ARFGEF3: variants seen among roughly 807,000 people sequenced by gnomAD.
The protein encoded by ARFGEF3 is ARFGEF family member 3, also known as brefeldin A-inhibited guanine nucleotide-exchange protein 3.
Under a neutral mutation model 221.7 loss-of-function variants are expected in ARFGEF3, and 96 were observed. That is an observed-to-expected ratio of 0.43 (90% CI 0.37 to 0.51). ARFGEF3 has a LOEUF of 0.51. ARFGEF3 is among the 20% of genes least tolerant of loss of function. The probability of loss-of-function intolerance (pLI) is 0.00; values close to 1 mark genes in which losing one functional copy is unlikely to be tolerated. For missense variants in ARFGEF3, 2,410 were observed against 2,789.9 expected, an observed-to-expected ratio of 0.86 and a Z score of 3.07; for synonymous variants, 1,145 against 1,126.8, an observed-to-expected ratio of 1.02 and a Z score of -0.32.
chr6:138,217,232 C>A (rs1777885008), intron 4 of ARFGEF3: 1 of 152,190 alleles, frequency 6.6e-6, no homozygotes, highest in African/African-American at 2.4e-5. Flanking sequence ...ACTTTTCTCA[C>A]ATAATCTTAA....
At chr6:138,326,688 G>A (rs150125827) in intron 31 of ARFGEF3, among the ~76,000 whole-genome samples, 9 of 152,226 alleles carry the variant, frequency 5.9e-5, no homozygotes, top group African/African-American at 1.9e-4. Flanking sequence ...TAACCATTGT[G>A]GAAGACAGTG....
intron 2 of ARFGEF3, 42 bp downstream of exon 2, chr6:138,170,755 AC>A: frequency 8.3e-7 from 1 of 1,200,396 alleles, no homozygotes; most frequent in Non-Finnish European, 1.2e-6. Flanking sequence ...AGTCAATATT[AC>A]CCACTGAAGG....
At chr6:138,220,127 T>C (rs764787815) in intron 4 of ARFGEF3, among the ~76,000 whole-genome samples, 12 of 152,182 alleles carry the variant, frequency 7.9e-5, no homozygotes, top group Non-Finnish European at 1.5e-4. Flanking sequence ...CAGGTGATCC[T>C]CCAACCTCAG....
At chr6:138,227,909 A>C (rs1024392189) in intron 4 of ARFGEF3, among the ~76,000 whole-genome samples, 1 of 152,220 alleles carries the variant, frequency 6.6e-6, no homozygotes, top group African/African-American at 2.4e-5. Flanking sequence ...GCCACGTGGC[A>C]AAACAAATAG....
At chr6:138,201,437 T>C (rs1777534209) in intron 2 of ARFGEF3, among the ~76,000 whole-genome samples, 1 of 152,122 alleles carries the variant, frequency 6.6e-6, no homozygotes, top group Non-Finnish European at 1.5e-5. Flanking sequence ...CATCAGTCAA[T>C]GAGTGGATAA....
intron 1 of ARFGEF3, among the ~76,000 whole-genome samples, chr6:138,167,389 T>A (rs954301151): frequency 2.0e-5 from 3 of 152,164 alleles, no homozygotes; most frequent in Admixed American, 6.5e-5. Flanking sequence ...CCCCGCAACT[T>A]AGCTACCTGC....
At chr6:138,258,451 G>A (rs764017807) in intron 10 of ARFGEF3, among the ~76,000 whole-genome samples, 5 of 152,194 alleles carry the variant, frequency 3.3e-5, no homozygotes, top group African/African-American at 4.8e-5. Context: ...GTTGTGAGTC[G>A]TAAGGCTAAG....
At chr6:138,306,953 TAAAAAAAA>T (rs71773390) in intron 22 of ARFGEF3, among the ~76,000 whole-genome samples, 3 of 113,720 alleles carry the variant, frequency 2.6e-5, no homozygotes, top group Non-Finnish European at 5.7e-5. Context: ...TAAGGAACTC[TAAAAAAAA>T]AAAAAAAAAA....
intron 2 of ARFGEF3, among the ~76,000 whole-genome samples, chr6:138,172,331 G>T (rs1050076251): frequency 6.6e-6 from 1 of 152,126 alleles, no homozygotes; most frequent in Non-Finnish European, 1.5e-5. Flanking sequence ...AAACTGATTT[G>T]CTTCAAAACT....
chr6:138,300,859 C>G (rs1013306578), intron 22 of ARFGEF3, among the ~76,000 whole-genome samples: 1 of 152,118 alleles, frequency 6.6e-6, no homozygotes, highest in Non-Finnish European at 1.5e-5. Flanking sequence ...AATCCCAATC[C>G]CTGACATGAG....
In ARFGEF3 at chr6:138,255,497, A is replaced by T; in HGVS notation, c.832A>T (p.Thr278Ser). Reference protein sequence around the residue: ...LGNPIHDKTITSAHTSSTSTS... With the variant: ...LGNPIHDKTISSAHTSSTSTS... ...GAATCCAATTCATGACAAAACCATCACCTCTGCTCACACCAGCAGCACCAG... is the reference window on the plus strand; with the variant it reads ...GAATCCAATTCATGACAAAACCATCTCCTCTGCTCACACCAGCAGCACCAG... Residue 278 changes from threonine (T) to serine (S), a missense_variant, in exon 10 of 34, where the codon ACC becomes TCC. Around this residue, in one of 5 missense-constraint regions of ARFGEF3, gnomAD observed 570 missense variants for 586.9 expected, o/e 0.97. Coordinates refer to ENST00000251691, the MANE Select transcript of ARFGEF3 (RefSeq NM_020340.5). 4 of 1,613,034 alleles carry T rather than the reference A, an allele frequency of 2.5e-6. No homozygotes were observed. The highest frequency in any genetic ancestry group is 3.4e-6 in the Non-Finnish European group (4 of 1,179,402).
At chr6:138,221,110 G>A (rs1291438052) in intron 4 of ARFGEF3, among the ~76,000 whole-genome samples, 2 of 152,176 alleles carry the variant, frequency 1.3e-5, no homozygotes, top group African/African-American at 2.4e-5. Flanking sequence ...TCAGGTCCAG[G>A]TGGGAAGATT....
intron 12 of ARFGEF3, among the ~76,000 whole-genome samples, chr6:138,273,105 T>G (rs1299324669): frequency 6.6e-6 from 1 of 152,226 alleles, no homozygotes; most frequent in Non-Finnish European, 1.5e-5. Flanking sequence ...AAACGTCAAG[T>G]TACAGTTTGA....
Position 138,240,274 on chromosome 6 carries a change from A to G in ARFGEF3, c.543+1643A>G, listed in dbSNP as rs932466355. On this transcript the variant is annotated intron_variant, in intron 6 of 33. Coordinates refer to ENST00000251691, the MANE Select transcript of ARFGEF3 (RefSeq NM_020340.5). ...CTAAGATGTTGAGAAATCTTATAAT[A>G]TACACTCATATTTCATCCATGCTAA... is the stretch of plus-strand genomic sequence containing the variant. Among the ~76,000 whole-genome samples the G allele has an allele frequency of 1.7e-4, 26 of 152,204 alleles. 1 individual carries two copies. The highest frequency in any genetic ancestry group is 2.0e-4 in the Admixed American group (3 of 15,288).
intron 2 of ARFGEF3, among the ~76,000 whole-genome samples, chr6:138,201,734 G>T (rs1777541499): frequency 6.6e-6 from 1 of 152,298 alleles, no homozygotes; most frequent in Non-Finnish European, 1.5e-5. Context: ...TACTGCTGGG[G>T]TGATGGGTGC....
intron 5 of ARFGEF3, among the ~76,000 whole-genome samples, chr6:138,231,338 C>A (rs1408472325): frequency 6.6e-6 from 1 of 151,932 alleles, no homozygotes. Context: ...AGATCATAGC[C>A]AAAGAACAAT....
chr6:138,263,353 A>G lies in ARFGEF3; in HGVS notation c.1870A>G (p.Arg624Gly). ...YSMAAEKDSGRSDVSDIGSDN... is the reference protein window; with the variant it reads ...YSMAAEKDSGGSDVSDIGSDN... Reference sequence around the variant, plus strand: ...TATGGCAGCAGAAAAGGACTCGGGCAGGTCCGACGTGTCAGACATTGGGTC... The same window carrying G: ...TATGGCAGCAGAAAAGGACTCGGGCGGGTCCGACGTGTCAGACATTGGGTC... The change falls in exon 12 of 34, where the codon AGG becomes GGG. Residue 624 changes from arginine to glycine, a missense_variant. Transcript: ENST00000251691. 1.2e-6 allele frequency: 2 copies of G among 1,614,072 alleles called. No individual in the cohort carries two copies. Among genetic ancestry groups the G allele is most frequent in the African/African-American group, 1.3e-5 (1 of 75,076 alleles).
intron 10 of ARFGEF3, among the ~76,000 whole-genome samples, chr6:138,257,610 C>G (rs1001611127): frequency 6.6e-6 from 1 of 152,176 alleles, no homozygotes; most frequent in East Asian, 1.9e-4. Context: ...CCAGCTGACC[C>G]TAATCCCACG....
intron 21 of ARFGEF3, among the ~76,000 whole-genome samples, chr6:138,297,513 G>A (rs1779543896): frequency 6.6e-6 from 1 of 152,202 alleles, no homozygotes; most frequent in African/African-American, 2.4e-5. Context: ...CTTCCAAGTT[G>A]ACAGGGAAAA....
Sources: gnomAD v4.1 joint callset for allele counts (sites outside exome capture counted in the v4.1 genomes callset) on GRCh38, gnomAD v4.1.1 for gene constraint, gnomAD v4.1.1 regional missense constraint, MANE v1.5 for transcripts, NCBI Gene and HGNC (gene_info 2026-07-23, HGNC 2026-07-21) for gene names.